HS6ST2: variants seen among roughly 807,000 people sequenced by gnomAD.
The protein encoded by HS6ST2 is heparan sulfate 6-O-sulfotransferase 2.
HS6ST2 carries 17 observed loss-of-function variants against 33.0 expected under a neutral mutation model. The ratio of observed to expected loss-of-function variants is 0.52; its 90% CI spans 0.35 to 0.77. The LOEUF is 0.77. Ranked by LOEUF, HS6ST2 falls within the 30% of genes least tolerant of loss-of-function variation. The pLI, the probability that HS6ST2 is intolerant of heterozygous loss-of-function variation, is 0.01. For missense variants in HS6ST2, 519 were observed against 551.7 expected, an observed-to-expected ratio of 0.94 and a Z score of 0.59; for synonymous variants, 248 against 237.1, an observed-to-expected ratio of 1.05 and a Z score of -0.42.
chrX:132,631,099 T>TC (rs1296798562), intron 4 of HS6ST2, among the ~76,000 whole-genome samples: 4 of 111,781 alleles, frequency 3.6e-5, no homozygotes, highest in Admixed American at 1.9e-4. Context: ...TTGGCCTTCA[T>TC]CCCTGGCATA....
At chrX:132,642,425 T>G (rs1024171204) in intron 4 of HS6ST2, among the ~76,000 whole-genome samples, 1 of 110,993 alleles carries the variant, frequency 9.0e-6, no homozygotes, top group South Asian at 3.9e-4. Flanking sequence ...AGATATGAAG[T>G]GCAAACCCTG....
intron 2 of HS6ST2, among the ~76,000 whole-genome samples, chrX:132,886,620 C>T (rs776117728): frequency 2.7e-5 from 3 of 110,404 alleles, no homozygotes; most frequent in Non-Finnish European, 5.7e-5. Flanking sequence ...AATTCTACAC[C>T]TAGGAACATA....
chrX:132,662,443 A>G (rs775278652), intron 4 of HS6ST2, among the ~76,000 whole-genome samples: 20 of 112,489 alleles, frequency 1.8e-4, no homozygotes, highest in South Asian at 1.1e-3. Context: ...CTAGAGCAAT[A>G]TAAGTGAGAA....
rs1221309095 is a variant in HS6ST2, at chrX:132,637,845, TATATA to T, written c.1068-8757_1068-8753del. On this transcript the variant is annotated intron_variant, in intron 4 of 4. Transcript: ENST00000370833. ...ATATAATATTATATATAATATTTTA[TATATA>T]ATATATATATAATATATTATATATA... Among the ~76,000 whole-genome samples, 18 of 40,702 alleles carry T rather than the reference TATATA, an allele frequency of 4.4e-4. No homozygotes were observed. The African/African-American group carries it at 7.3e-3, about 17-fold the overall frequency. 35.3% of individuals were successfully genotyped at this position (40,702 alleles called of 115,157 possible).
intron 2 of HS6ST2, among the ~76,000 whole-genome samples, chrX:132,771,753 T>C (rs961606781): frequency 8.9e-6 from 1 of 111,943 alleles, no homozygotes; most frequent in African/African-American, 3.2e-5. Flanking sequence ...GGAAAAATAC[T>C]GTCACATCAA....
At chrX:132,889,753 A>G (rs745927451) in intron 2 of HS6ST2, among the ~76,000 whole-genome samples, 60 of 111,446 alleles carry the variant, frequency 5.4e-4, no homozygotes, top group Non-Finnish European at 1.0e-3. Context: ...GTGGAAGGAA[A>G]GACGATGATA....
In HS6ST2 at chrX:132,828,693, TACACACACACACACACACAC is replaced by T. The variant is rs779585327; in HGVS notation, c.948-120219_948-120200del. Reference sequence around the variant, plus strand: ...ATATCATATTTTATATATATATATATACACACACACACACACACACACACACACACACACACACACACACA... The same window carrying T: ...ATATCATATTTTATATATATATATATACACACACACACACACACACACACA... On this transcript the variant is annotated intron_variant, in intron 2 of 4. Transcript: ENST00000370833. 3.3e-4 allele frequency among the ~76,000 whole-genome samples: 24 copies of T among 72,905 alleles called. 1 individual carries two copies. The highest frequency in any genetic ancestry group is 1.3e-3 in the South Asian group (2 of 1,497). The allele number at this position is 72,905 out of a possible 115,157, so 63.3% of individuals were successfully genotyped here. A position where few individuals can be genotyped will look rare whatever the true frequency, so the allele number is the denominator to read the frequency against.
chrX:132,920,828 G>A (rs2066644490), intron 2 of HS6ST2, among the ~76,000 whole-genome samples: 1 of 112,201 alleles, frequency 8.9e-6, no homozygotes, highest in African/African-American at 3.2e-5. Context: ...CCTACTACTG[G>A]TCCACCAGTA....
At chrX:132,864,740 T>C (rs2065951397) in intron 2 of HS6ST2, among the ~76,000 whole-genome samples, 3 of 110,003 alleles carry the variant, frequency 2.7e-5, no homozygotes, top group Admixed American at 9.7e-5. Flanking sequence ...AACATTCAAA[T>C]TGAGGAAATA....
Position 132,958,609 on chromosome X carries a change from C to T in HS6ST2, c.-7G>A, listed in dbSNP as rs1398413366. On this transcript the variant is annotated 5_prime_UTR_variant, in exon 1 of 5. Coordinates refer to ENST00000370833, the MANE Select transcript of HS6ST2 (RefSeq NM_001394073.1). ...CACACGCAGGCAGTGCCATTCCCCC[C>T]TTCAGGCAACTCAGGGTACTAAGGA... 9 of 1,157,612 alleles carry T rather than the reference C, an allele frequency of 7.8e-6. No individual in the cohort carries two copies. The East Asian group carries it at 1.9e-4, about 24-fold the overall frequency.
At chrX:132,842,447 T>C (rs944408751) in intron 2 of HS6ST2, among the ~76,000 whole-genome samples, 1 of 112,285 alleles carries the variant, frequency 8.9e-6, no homozygotes, top group Middle Eastern at 4.2e-3. Context: ...TGCAAGCGCA[T>C]TGTGCTGCTG....
intron 2 of HS6ST2, among the ~76,000 whole-genome samples, chrX:132,794,143 A>G (rs2065148243): frequency 8.9e-6 from 1 of 112,298 alleles, no homozygotes; most frequent in South Asian, 3.7e-4. Context: ...GTCTTGAGAG[A>G]CAGGGTTCAT....
chrX:132,712,257 G>A (rs764482300), intron 2 of HS6ST2, among the ~76,000 whole-genome samples: 1 of 111,410 alleles, frequency 9.0e-6, no homozygotes, highest in East Asian at 2.8e-4. Flanking sequence ...CATCATTCTG[G>A]TCTTCACCTA....
chrX:132,758,215 G>A (rs1482597795), intron 2 of HS6ST2: 1 of 112,386 alleles, frequency 8.9e-6, no homozygotes, highest in Non-Finnish European at 1.9e-5. Context: ...TCTTAGTAAA[G>A]TAGGAACTGT....
In HS6ST2 at chrX:132,958,244, G is replaced by A; in HGVS notation, c.359C>T (p.Ala120Val). ...GTGCTTCAGCGAGTGGCCCAGGGCG[G>A]CCAGGCCCCGAGTGAGCAGGGCCCG... ...LCRALLTRGL[A>V]ALGHSLKHVL... Residue 120 changes from alanine to valine, a missense_variant, in exon 1 of 5, where the codon GCC becomes GTC. Transcript: ENST00000370833. 8.5e-7 allele frequency: 1 copy of A among 1,183,273 alleles called. No individual in the cohort carries two copies.
At chrX:132,722,731 T>A (rs1431926915) in intron 2 of HS6ST2, among the ~76,000 whole-genome samples, 1 of 110,988 alleles carries the variant, frequency 9.0e-6, no homozygotes, top group African/African-American at 3.3e-5. Flanking sequence ...GTCCCAATTA[T>A]GAATTAGGAA....
rs551434548 is a variant in HS6ST2 at position 132,679,847 on chromosome X, C to T, written c.981-10648G>A. Reference sequence around the variant, plus strand: ...AAAAAGAATTCAGCGATATTTCTCCCATTTGCTTTTGAAAGACGAGAAATA... The same window carrying T: ...AAAAAGAATTCAGCGATATTTCTCCTATTTGCTTTTGAAAGACGAGAAATA... On this transcript the variant is annotated intron_variant, in intron 3 of 4. Transcript: ENST00000370833. Among the ~76,000 whole-genome samples the T allele has an allele frequency of 1.0e-4, 11 of 109,483 alleles. No individual in the cohort carries two copies. The South Asian group carries it at 4.1e-3, about 41-fold the overall frequency.
intron 2 of HS6ST2, among the ~76,000 whole-genome samples, chrX:132,771,328 T>C (rs760411311): frequency 1.8e-5 from 2 of 112,186 alleles, no homozygotes; most frequent in African/African-American, 6.5e-5. Flanking sequence ...TGTTTTCTAA[T>C]GAACAATGTA....
intron 2 of HS6ST2, among the ~76,000 whole-genome samples, chrX:132,733,085 T>G (rs1450594510): frequency 8.9e-6 from 1 of 111,824 alleles, no homozygotes; most frequent in Non-Finnish European, 1.9e-5. Flanking sequence ...TAGGCAACCT[T>G]CTTCCTCTAC....
Sources: allele counts gnomAD v4.1 joint callset (sites outside exome capture counted in the v4.1 genomes callset), GRCh38; gene constraint gnomAD v4.1.1; transcripts MANE v1.5; gene names NCBI Gene and HGNC (gene_info 2026-07-23, HGNC 2026-07-21).